Variants in TRIM63 observed in about 807,000 individuals in gnomAD.
TRIM63 encodes the protein E3 ubiquitin-protein ligase TRIM63.
Under a neutral mutation model 46.0 loss-of-function variants are expected in TRIM63, and 48 were observed. The observed-to-expected ratio is 1.04, with a 90% CI of 0.83 to 1.33. The LOEUF is 1.33. Ranked by LOEUF, TRIM63 falls within the 40% of genes most tolerant of loss-of-function variation. The probability of loss-of-function intolerance (pLI) is 0.00; values close to 1 mark genes in which losing one functional copy is unlikely to be tolerated. For synonymous variants in TRIM63, 175 were observed against 162.8 expected, an observed-to-expected ratio of 1.08 and a Z score of -0.57; for missense variants, 455 against 441.2, an observed-to-expected ratio of 1.03 and a Z score of -0.28.
chr1:26,051,786 A>AACCC lies in TRIM63; in HGVS notation c.*86_*87insGGGT. 2 of 226,028 alleles carry AACCC rather than the reference A, an allele frequency of 8.8e-6. No individual in the cohort carries two copies. The highest frequency in any genetic ancestry group is 1.9e-5 in the Non-Finnish European group (2 of 104,880). 14.0% of individuals were successfully genotyped at this position (226,028 alleles called of 1,614,324 possible). A position where few individuals can be genotyped will look rare whatever the true frequency, so the allele number is the denominator to read the frequency against. On this transcript the variant is annotated 3_prime_UTR_variant, in exon 9 of 9. Transcript: ENST00000374272. The stretch of plus-strand genomic sequence containing the variant: ...CCCTCCAGGGGCCCCGACCCCTCCC[A>AACCC]CCCTGGGCCTGTCACCAAGGCCGCT...
At chr1:26,064,165 G>A (rs1268295715) in intron 2 of TRIM63, among the ~76,000 whole-genome samples, 2 of 151,932 alleles carry the variant, frequency 1.3e-5, no homozygotes, top group Non-Finnish European at 2.9e-5. Flanking sequence ...GTGTGGTGGT[G>A]CACGTCTGTA....
Position 26,066,281 on chromosome 1 carries a change from GTTTGTAGATGTCGATGATGTT to G in TRIM63, c.298_318del (p.Asn100_Lys106del). On this transcript the variant is annotated inframe_deletion, in exon 2 of 9. Transcript: ENST00000374272. ...ACGAGAACCGACCTGGAGCACTCCT[GTTTGTAGATGTCGATGATGTT>G]CTCCACCAGCAGGTTCCTCTGCAGG... The G allele has an allele frequency of 8.1e-6, 13 of 1,614,140 alleles. No individual in the cohort carries two copies. The highest frequency in any genetic ancestry group is 3.4e-6 in the Non-Finnish European group (4 of 1,180,040).
At chr1:26,061,746 G>C (rs565810407) in intron 2 of TRIM63, among the ~76,000 whole-genome samples, 1 of 152,234 alleles carries the variant, frequency 6.6e-6, no homozygotes, top group Non-Finnish European at 1.5e-5. Flanking sequence ...TAAGGGCAGA[G>C]GAGCCTAGAG....
Position 26,066,294 on chromosome 1 carries a change from G to T in TRIM63, c.306C>A (p.Ile102=). The T allele has an allele frequency of 3.1e-6, 5 of 1,614,086 alleles. No homozygotes were observed. The highest frequency in any genetic ancestry group is 4.2e-6 in the Non-Finnish European group (5 of 1,180,016). The change falls in exon 2 of 9, where the codon ATC becomes ATA. Residue 102 remains isoleucine (I), a synonymous_variant. Coordinates refer to ENST00000374272, the MANE Select transcript of TRIM63 (RefSeq NM_032588.4). The part of the protein sequence containing the change: ...LQRNLLVENI[I]DIYKQECSSR... ...TGGAGCACTCCTGTTTGTAGATGTCGATGATGTTCTCCACCAGCAGGTTCC... is the reference window on the plus strand; with the variant it reads ...TGGAGCACTCCTGTTTGTAGATGTCTATGATGTTCTCCACCAGCAGGTTCC...
rs2050523688 is a variant in TRIM63, at chr1:26,051,684, T to A, written c.*189A>T. The A allele has an allele frequency of 2.4e-6, 1 of 416,090 alleles. No homozygotes were observed. The highest frequency in any genetic ancestry group is 4.3e-6 in the Non-Finnish European group (1 of 230,382). The allele number at this position is 416,090 out of a possible 1,614,324, so 25.8% of individuals were successfully genotyped here. ...GCACGTTTCCAATTCTGGTTCAGTGTCTGCTGGACGCAGCGGTGAGGGTCC... is the reference window on the plus strand; with the variant it reads ...GCACGTTTCCAATTCTGGTTCAGTGACTGCTGGACGCAGCGGTGAGGGTCC... On this transcript the variant is annotated 3_prime_UTR_variant, in exon 9 of 9. Transcript: ENST00000374272.
At chr1:26,060,463 C>A in intron 3 of TRIM63, 102 bp from the exon 4 acceptor site, 6 of 830,052 alleles carry the variant, frequency 7.2e-6, no homozygotes, top group Non-Finnish European at 1.2e-5. Context: ...CCCCTCTCTG[C>A]TAGAAAGAGC....
At chr1:26,053,226 G>A (rs549729329) in intron 8 of TRIM63, among the ~76,000 whole-genome samples, 7 of 152,196 alleles carry the variant, frequency 4.6e-5, no homozygotes, top group South Asian at 2.1e-4. Context: ...TTATAGGCAC[G>A]TACCACCACA....
intron 3 of TRIM63, 51 bp from the exon 4 acceptor site, chr1:26,060,412 G>GC: frequency 6.9e-7 from 1 of 1,445,688 alleles, no homozygotes; most frequent in Non-Finnish European, 9.7e-7. Context: ...TAGCCTCAGG[G>GC]CCTACCCACT....
chr1:26,064,751 C>T (rs994399499), intron 2 of TRIM63, among the ~76,000 whole-genome samples: 2 of 152,194 alleles, frequency 1.3e-5, no homozygotes, highest in African/African-American at 4.8e-5. Flanking sequence ...GGAAATGAAG[C>T]TCTAAAGGCT....
chr1:26,062,971 G>T (rs1476696341), intron 2 of TRIM63, among the ~76,000 whole-genome samples: 1 of 152,058 alleles, frequency 6.6e-6, no homozygotes, highest in Non-Finnish European at 1.5e-5. Context: ...TGGGCAGGCT[G>T]GTCTCAAACT....
At chr1:26,055,579 C>G (rs1400656290) in intron 7 of TRIM63, among the ~76,000 whole-genome samples, 1 of 150,792 alleles carries the variant, frequency 6.6e-6, no homozygotes, top group Non-Finnish European at 1.5e-5. Context: ...GGCGTGATCA[C>G]AGCTCACTGC....
At chr1:26,054,053 A>C (rs985165205) in intron 7 of TRIM63, 89 bp from the exon 8 acceptor site, 1 of 917,040 alleles carries the variant, frequency 1.1e-6, no homozygotes, top group Non-Finnish European at 1.6e-6. Flanking sequence ...GCACGGTCTA[A>C]ACCCCTTCCT....
At chr1:26,061,421 G>A (rs2050625383) in intron 2 of TRIM63, 87 bp from the exon 3 acceptor site, 2 of 1,424,902 alleles carry the variant, frequency 1.4e-6, no homozygotes, top group Non-Finnish European at 1.9e-6. Flanking sequence ...GCAGCTACTG[G>A]GGAGGCTGAG....
At chr1:26,053,512 G>A (rs1457183283) in intron 8 of TRIM63, among the ~76,000 whole-genome samples, 1 of 152,208 alleles carries the variant, frequency 6.6e-6, no homozygotes, top group African/African-American at 2.4e-5. Context: ...TCGAGCCACC[G>A]TGCCTGTCCA....
chr1:26,054,033 G>T, intron 7 of TRIM63, 69 bp from the exon 8 acceptor site: 1 of 1,120,636 alleles, frequency 8.9e-7, no homozygotes, highest in Non-Finnish European at 1.3e-6. Context: ...GAGGAACCAG[G>T]CAAGAGAGAG....
rs537023520 is a variant in TRIM63, at chr1:26,067,361, C to T, written c.134G>A (p.Arg45Gln). 16 of 1,614,118 alleles carry T rather than the reference C, an allele frequency of 9.9e-6. No homozygotes were observed. The highest frequency in any genetic ancestry group is 1.7e-4 in the Middle Eastern group (1 of 6,054). The change falls in exon 1 of 9, where the codon CGG becomes CAG. Residue 45 changes from arginine to glutamine, a missense_variant. By Grantham distance (43) the Arg-to-Gln change is conservative (BLOSUM62 1). Coordinates refer to ENST00000374272, the MANE Select transcript of TRIM63 (RefSeq NM_032588.4). ...CTGGAAGATGTCATTGGCACACTTCCGGCACAGGTTGTGCTGGCACGGCAA... is the reference window on the plus strand; with the variant it reads ...CTGGAAGATGTCATTGGCACACTTCTGGCACAGGTTGTGCTGGCACGGCAA... The part of the protein sequence containing the change: ...VILPCQHNLC[R>Q]KCANDIFQAA...
intron 7 of TRIM63, among the ~76,000 whole-genome samples, chr1:26,056,544 A>G (rs1193955671): frequency 5.9e-5 from 9 of 152,178 alleles, no homozygotes; most frequent in Admixed American, 5.9e-4. Context: ...TAGAAAATAA[A>G]ACTCAGGCAG....
chr1:26,052,366 CT>C (rs201746667), intron 8 of TRIM63, among the ~76,000 whole-genome samples: 2,121 of 152,310 alleles, frequency 0.014, 57 homozygotes, highest in African/African-American at 0.048. Context: ...ACTCAGATGC[CT>C]ACAAGGAGCC....
intron 2 of TRIM63, among the ~76,000 whole-genome samples, chr1:26,062,420 C>G (rs2050634602): frequency 6.6e-6 from 1 of 152,160 alleles, no homozygotes; most frequent in African/African-American, 2.4e-5. Context: ...CAGTCATACC[C>G]TCTCTCTTTC....
Sources: allele counts gnomAD v4.1 joint callset (sites outside exome capture counted in the v4.1 genomes callset), GRCh38; gene constraint gnomAD v4.1.1; transcripts MANE v1.5; gene names NCBI Gene and HGNC (gene_info 2026-07-23, HGNC 2026-07-21).